DSCAM: variants seen among roughly 807,000 people sequenced by gnomAD.
DSCAM encodes cell adhesion molecule DSCAM.
In DSCAM, 47 loss-of-function variants were observed where a neutral mutation model predicts 217.7. That is an observed-to-expected ratio of 0.22 (90% CI 0.17 to 0.28). The LOEUF (loss-of-function observed/expected upper bound fraction) is 0.28. DSCAM is among the 10% of genes least tolerant of loss of function. The pLI, the probability that DSCAM is intolerant of heterozygous loss-of-function variation, is 1.00. For missense variants in DSCAM, 2,080 were observed against 2,618.3 expected (o/e 0.79, Z 4.49); for synonymous variants, 1,056 against 1,015.3 (o/e 1.04, Z -0.76).
chr21:40,539,280 G>T (rs1322303328), intron 3 of DSCAM, among the ~76,000 whole-genome samples: 1 of 152,036 alleles, frequency 6.6e-6, no homozygotes, highest in African/African-American at 2.4e-5. Context: ...TGAGGCGGGC[G>T]GATCACGAGG....
intron 1 of DSCAM, among the ~76,000 whole-genome samples, chr21:40,782,290 C>T (rs868752518): frequency 1.3e-5 from 2 of 152,230 alleles, no homozygotes; most frequent in African/African-American, 4.8e-5. Context: ...AACCAACTGA[C>T]CATAAGTGGC....
chr21:40,020,348 C>A (rs1327678378), intron 32 of DSCAM, among the ~76,000 whole-genome samples: 2 of 152,150 alleles, frequency 1.3e-5, no homozygotes, highest in Non-Finnish European at 2.9e-5. Flanking sequence ...AAACTAACTT[C>A]CTTCCTTCCT....
Position 40,716,912 on chromosome 21 carries a change from A to T in DSCAM, c.44-8141T>A, listed in dbSNP as rs116647481. ...TTCTATTTACCGAAGGTTGTGACAG[A>T]AACATTCACAAAATGCAACAGAAGC... On this transcript the variant is annotated intron_variant, in intron 1 of 32. Transcript: ENST00000400454. Among the ~76,000 whole-genome samples, 1,072 of 152,348 alleles carry T rather than the reference A, an allele frequency of 7.0e-3. 9 individuals are homozygous for T. The highest frequency in any genetic ancestry group is 0.024 in the African/African-American group (1,012 of 41,580).
At chr21:40,161,159 T>G (rs1024978109) in intron 16 of DSCAM, among the ~76,000 whole-genome samples, 1 of 152,150 alleles carries the variant, frequency 6.6e-6, no homozygotes, top group South Asian at 2.1e-4. Flanking sequence ...CCTGCTTAGT[T>G]GAGGAGACCT....
chr21:40,650,559 G>A (rs897919346), intron 3 of DSCAM, among the ~76,000 whole-genome samples: 8 of 152,224 alleles, frequency 5.3e-5, no homozygotes, highest in African/African-American at 1.9e-4. Context: ...GAACAGAAAG[G>A]CAGAAGAAGG....
At chr21:40,705,859 G>C (rs1045213215) in intron 2 of DSCAM, among the ~76,000 whole-genome samples, 5 of 152,106 alleles carry the variant, frequency 3.3e-5, no homozygotes, top group African/African-American at 1.2e-4. Flanking sequence ...CCTCCATCTC[G>C]GCCACAAGCA....
intron 3 of DSCAM, among the ~76,000 whole-genome samples, chr21:40,563,808 G>T (rs2076744496): frequency 6.8e-6 from 1 of 147,574 alleles, no homozygotes; most frequent in African/African-American, 2.5e-5. Context: ...ATAGTTATAT[G>T]TGTATATATA....
rs979713591 is a variant in DSCAM, at chr21:40,846,760, GGCCGCCGCCCGCCCGCCGCCCGCC to G, written c.-123_-100del. On this transcript the variant is annotated 5_prime_UTR_variant, in exon 1 of 33. Coordinates refer to ENST00000400454, the MANE Select transcript of DSCAM (RefSeq NM_001389.5). ...GCTCGCCGCTCGGCACCTGCCCGGG[GGCCGCCGCCCGCCCGCCGCCCGCC>G]GCCGCCGCCGCCGCTGCCTAGCCGC... 19 of 489,616 alleles carry G rather than the reference GGCCGCCGCCCGCCCGCCGCCCGCC, an allele frequency of 3.9e-5. No individual in the cohort carries two copies. Among genetic ancestry groups the G allele is most frequent in the Non-Finnish European group, 5.0e-5 (19 of 378,800 alleles). The allele number at this position is 489,616 out of a possible 1,614,324, so 30.3% of individuals were successfully genotyped here. A position where few individuals can be genotyped will look rare whatever the true frequency, so the allele number is the denominator to read the frequency against.
intron 9 of DSCAM, among the ~76,000 whole-genome samples, chr21:40,309,764 T>G (rs2074117737): frequency 6.6e-6 from 1 of 152,236 alleles, no homozygotes; most frequent in African/African-American, 2.4e-5. Context: ...TGAATTCCAC[T>G]GCTTCTCATG....
intron 1 of DSCAM, among the ~76,000 whole-genome samples, chr21:40,821,387 A>ACG (rs140511345): frequency 0.14 from 20,696 of 150,082 alleles, 1,684 homozygotes; most frequent in Non-Finnish European, 0.19. Flanking sequence ...ACACAGACAC[A>ACG]CGCGCGCACA....
chr21:40,784,256 T>C (rs546008449), intron 1 of DSCAM, among the ~76,000 whole-genome samples: 5 of 152,142 alleles, frequency 3.3e-5, no homozygotes, highest in Admixed American at 1.3e-4. Context: ...TCCCCTATAC[T>C]GTTCTCATGG....
Position 40,745,201 on chromosome 21 carries a change from C to A in DSCAM, c.44-36430G>T, listed in dbSNP as rs151064497. ...CTAACCTCTATATAATAGTAGTTCCCCAGGAGATAAAAGAGAAAAAGTTCT... is the reference window on the plus strand; with the variant it reads ...CTAACCTCTATATAATAGTAGTTCCACAGGAGATAAAAGAGAAAAAGTTCT... On this transcript the variant is annotated intron_variant, in intron 1 of 32. Coordinates refer to ENST00000400454, the MANE Select transcript of DSCAM (RefSeq NM_001389.5). Among the ~76,000 whole-genome samples the A allele has an allele frequency of 6.9e-3, 1,045 of 151,856 alleles. 14 individuals are homozygous for A. Among genetic ancestry groups the A allele is most frequent in the African/African-American group, 0.024 (996 of 41,420 alleles).
intron 11 of DSCAM, among the ~76,000 whole-genome samples, chr21:40,270,058 G>T (rs1450139398): frequency 6.6e-6 from 1 of 152,154 alleles, no homozygotes; most frequent in Admixed American, 6.5e-5. Flanking sequence ...TTACCCCAGA[G>T]AATCTTTAGC....
At chr21:40,143,772 G>C (rs931871487) in intron 17 of DSCAM, among the ~76,000 whole-genome samples, 2 of 152,114 alleles carry the variant, frequency 1.3e-5, no homozygotes, top group Non-Finnish European at 2.9e-5. Flanking sequence ...GCCTGGGAGA[G>C]AGAGCCGGAC....
At position 40,770,524 on chromosome 21, in the gene DSCAM, A is replaced by G. The variant is rs949287813; in HGVS notation, c.44-61753T>C. 3.9e-5 allele frequency among the ~76,000 whole-genome samples: 6 copies of G among 152,232 alleles called. 1 individual carries two copies. The highest frequency in any genetic ancestry group is 7.3e-5 in the Non-Finnish European group (5 of 68,044). ...GTTTTTTCCATGGAAAAAGAATGCAATATTGTCAAAATTGCTGATAACGGC... is the reference window on the plus strand; with the variant it reads ...GTTTTTTCCATGGAAAAAGAATGCAGTATTGTCAAAATTGCTGATAACGGC... On this transcript the variant is annotated intron_variant, in intron 1 of 32. Transcript: ENST00000400454.
intron 3 of DSCAM, among the ~76,000 whole-genome samples, chr21:40,545,977 C>A (rs568759565): frequency 1.3e-5 from 2 of 152,258 alleles, no homozygotes; most frequent in Admixed American, 1.3e-4. Flanking sequence ...GCCTTTGTTC[C>A]CTCCTCCACA....
intron 3 of DSCAM, among the ~76,000 whole-genome samples, chr21:40,430,076 G>C (rs2075515933): frequency 6.6e-6 from 1 of 152,188 alleles, no homozygotes; most frequent in Non-Finnish European, 1.5e-5. Context: ...CACACATAGA[G>C]GGGGCTGGTC....
intron 1 of DSCAM, among the ~76,000 whole-genome samples, chr21:40,739,336 C>A (rs2091098429): frequency 6.6e-6 from 1 of 152,128 alleles, no homozygotes; most frequent in Admixed American, 6.5e-5. Flanking sequence ...GCTGGTCCAG[C>A]AAAAGGATGT....
At chr21:40,273,876 G>C (rs1485444721) in intron 11 of DSCAM, among the ~76,000 whole-genome samples, 1 of 152,122 alleles carries the variant, frequency 6.6e-6, no homozygotes, top group East Asian at 1.9e-4. Context: ...CATCCCTGAG[G>C]GCTCCCCCTT....
Sources: gnomAD v4.1 joint callset for allele counts (sites outside exome capture counted in the v4.1 genomes callset) on GRCh38, gnomAD v4.1.1 for gene constraint, MANE v1.5 for transcripts, NCBI Gene and HGNC (gene_info 2026-07-23, HGNC 2026-07-21) for gene names.